Variants in PRORP observed in about 807,000 individuals in gnomAD.
PRORP encodes mitochondrial ribonuclease P catalytic subunit.
Under a neutral mutation model 59.4 loss-of-function variants are expected in PRORP, and 51 were observed. That is an observed-to-expected ratio of 0.86 (90% CI 0.69 to 1.08). PRORP has a LOEUF of 1.08. Among genes scored for constraint, PRORP ranks in the 50% least tolerant of loss-of-function variants. The pLI is 0.00. For missense variants in PRORP, 646 were observed against 690.3 expected (o/e 0.94, Z 0.72); for synonymous variants, 231 against 245.6 (o/e 0.94, Z 0.55).
At chr14:35,201,454 A>G (rs772663682) in intron 5 of PRORP, among the ~76,000 whole-genome samples, 26 of 151,974 alleles carry the variant, frequency 1.7e-4, no homozygotes, top group Non-Finnish European at 2.2e-4. Context: ...GGACTCATGG[A>G]TATTTATTTT....
At chr14:35,227,396 A>G (rs1349658344) in intron 5 of PRORP, among the ~76,000 whole-genome samples, 1 of 151,902 alleles carries the variant, frequency 6.6e-6, no homozygotes, top group Non-Finnish European at 1.5e-5. Flanking sequence ...GTGAGCTGAG[A>G]TCGCACCACT....
At chr14:35,224,287 T>G (rs1260091711) in intron 5 of PRORP, among the ~76,000 whole-genome samples, 5 of 152,234 alleles carry the variant, frequency 3.3e-5, no homozygotes, top group Non-Finnish European at 7.3e-5. Context: ...AAAATTTGTC[T>G]TAAATCAGAT....
chr14:35,267,697 C>T lies in PRORP; in HGVS notation c.1424+822C>T, dbSNP rs186297057. ...TGAGGAGGCTGAGGCAGGAGAATGG[C>T]GTGAACCCGGGAGGCGGAGCTTGCA... On this transcript the variant is annotated intron_variant, in intron 6 of 7. Transcript: ENST00000534898. 1.4e-3 allele frequency among the ~76,000 whole-genome samples: 208 copies of T among 152,050 alleles called. 3 individuals are homozygous for T. In the East Asian group the frequency reaches 0.014, roughly 10 times the overall value.
intron 5 of PRORP, chr14:35,222,608 T>TATG (rs2049817051): frequency 6.6e-6 from 1 of 152,236 alleles, no homozygotes; most frequent in African/African-American, 2.4e-5. Flanking sequence ...AATAGCCTAT[T>TATG]ATGGCTACTG....
At chr14:35,133,566 A>C (rs1173525699) in intron 4 of PRORP, among the ~76,000 whole-genome samples, 1 of 152,092 alleles carries the variant, frequency 6.6e-6, no homozygotes, top group African/African-American at 2.4e-5. Flanking sequence ...TCTTGATACC[A>C]TGTCTGGGCA....
Position 35,276,344 on chromosome 14 carries a change from G to T in PRORP, c.*2778G>T, listed in dbSNP as rs1439025449. 6.6e-6 allele frequency: 1 copy of T among 152,344 alleles called. No individual in the cohort carries two copies. Among genetic ancestry groups the T allele is most frequent in the East Asian group, 1.9e-4 (1 of 5,200 alleles). 9.4% of individuals were successfully genotyped at this position (152,344 alleles called of 1,614,324 possible). The stretch of plus-strand genomic sequence containing the variant: ...GTAAGAATGAGAAGAAGGAACAGGG[G>T]TGTACCTCTTTTAAGGGCCCAAGTA... On this transcript the variant is annotated 3_prime_UTR_variant, in exon 8 of 8. Transcript: ENST00000534898.
In PRORP at chr14:35,141,403, G is replaced by C. The variant is rs1047778573; in HGVS notation, c.1167+13792G>C. Reference sequence around the variant, plus strand: ...ATCCTCCTGGGTAGCTAGGATTCAGGTGTGTACCATCACATCTGGCTAATT... The same window carrying C: ...ATCCTCCTGGGTAGCTAGGATTCAGCTGTGTACCATCACATCTGGCTAATT... On this transcript the variant is annotated intron_variant, in intron 4 of 7. Coordinates refer to ENST00000534898, the MANE Select transcript of PRORP (RefSeq NM_014672.4). 1.4e-5 allele frequency among the ~76,000 whole-genome samples: 2 copies of C among 143,964 alleles called. 1 individual carries two copies. The highest frequency in any genetic ancestry group is 4.6e-4 in the South Asian group (2 of 4,352). 94.4% of individuals were successfully genotyped at this position (143,964 alleles called of 152,430 possible).
At chr14:35,150,875 C>T (rs2047727605) in intron 4 of PRORP, among the ~76,000 whole-genome samples, 1 of 152,114 alleles carries the variant, frequency 6.6e-6, no homozygotes, top group Admixed American at 6.6e-5. Flanking sequence ...GGGATAAAGT[C>T]ACCTTTAGGA....
chr14:35,141,754 T>C (rs901428904), intron 4 of PRORP, among the ~76,000 whole-genome samples: 1 of 145,250 alleles, frequency 6.9e-6, no homozygotes, highest in African/African-American at 2.4e-5. Context: ...TCTTGCTCTG[T>C]CACCTAAGCT....
At chr14:35,253,192 G>A (rs2050653819) in intron 5 of PRORP, among the ~76,000 whole-genome samples, 1 of 151,940 alleles carries the variant, frequency 6.6e-6, no homozygotes, top group African/African-American at 2.4e-5. Context: ...AAATTAGCCA[G>A]GTATGCTGGT....
intron 4 of PRORP, among the ~76,000 whole-genome samples, chr14:35,147,388 G>A (rs34509212): frequency 6.6e-6 from 1 of 152,012 alleles, no homozygotes; most frequent in Non-Finnish European, 1.5e-5. Context: ...TGTCACCCAG[G>A]CTGGAGTGCA....
At chr14:35,143,631 T>TTTTG (rs199887396) in intron 4 of PRORP, among the ~76,000 whole-genome samples, 2,239 of 145,090 alleles carry the variant, frequency 0.015, 130 homozygotes, top group African/African-American at 0.045. Flanking sequence ...GACAGATAGT[T>TTTTG]TTTGTTTGTT....
At chr14:35,239,764 T>C (rs994550084) in intron 5 of PRORP, among the ~76,000 whole-genome samples, 4 of 152,138 alleles carry the variant, frequency 2.6e-5, no homozygotes, top group Admixed American at 6.5e-5. Flanking sequence ...TCTTCTGCTC[T>C]GGCCTCTATA....
chr14:35,130,515 T>C (rs2047213817), intron 4 of PRORP, among the ~76,000 whole-genome samples: 1 of 151,672 alleles, frequency 6.6e-6, no homozygotes, highest in African/African-American at 2.4e-5. Context: ...GGAGTCTCAC[T>C]CTGTCGCCCA....
chr14:35,237,417 T>G (rs998271866), intron 5 of PRORP, among the ~76,000 whole-genome samples: 3 of 151,560 alleles, frequency 2.0e-5, no homozygotes, highest in Non-Finnish European at 4.4e-5. Context: ...CATTCTTTTC[T>G]CTTCTTCTTT....
At chr14:35,208,212 C>A (rs2049345234) in intron 5 of PRORP, among the ~76,000 whole-genome samples, 1 of 151,750 alleles carries the variant, frequency 6.6e-6, no homozygotes, top group Non-Finnish European at 1.5e-5. Flanking sequence ...CAGTACTATG[C>A]TGTCAGCCTG....
rs144013601 is a variant in PRORP at position 35,258,861 on chromosome 14, G to A, written c.1276-7866G>A. ...AGTTTTGATTACCATAGCTGTATAA[G>A]AAGGACTAAAATGAGGTTAACTGAT... On this transcript the variant is annotated intron_variant, in intron 5 of 7. Transcript: ENST00000534898. 8.4e-3 allele frequency among the ~76,000 whole-genome samples: 1,279 copies of A among 152,294 alleles called. 21 individuals carry two copies. The highest frequency in any genetic ancestry group is 0.059 in the South Asian group (284 of 4,826).
At position 35,269,728 on chromosome 14, in the gene PRORP, C is replaced by A. The variant is rs1594363190; in HGVS notation, c.1425-673C>A. The stretch of plus-strand genomic sequence containing the variant: ...CAGGATAAAGAAAACTTTAAATGGT[C>A]CTATTTAGGGTCATTTGAATCAAGG... On this transcript the variant is annotated intron_variant, in intron 6 of 7. Coordinates refer to ENST00000534898, the MANE Select transcript of PRORP (RefSeq NM_014672.4). Among the ~76,000 whole-genome samples the A allele has an allele frequency of 2.6e-5, 4 of 151,912 alleles. No homozygotes were observed. In the South Asian group the frequency reaches 8.3e-4, roughly 32 times the overall value.
intron 5 of PRORP, among the ~76,000 whole-genome samples, chr14:35,202,668 C>T: frequency 6.6e-6 from 1 of 152,034 alleles, no homozygotes; most frequent in Non-Finnish European, 1.5e-5. Context: ...CTCCTTCTAT[C>T]ACCCAGGCTG....
Sources: allele counts gnomAD v4.1 joint callset (sites outside exome capture counted in the v4.1 genomes callset), GRCh38; gene constraint gnomAD v4.1.1; transcripts MANE v1.5; gene names NCBI Gene and HGNC (gene_info 2026-07-23, HGNC 2026-07-21).